ANO2: variants seen among roughly 807,000 people sequenced by gnomAD.
ANO2 encodes anoctamin-2.
In ANO2, 101 loss-of-function variants were observed where a neutral mutation model predicts 124.2. The observed-to-expected ratio is 0.81, with a 90% CI of 0.69 to 0.96. ANO2 has a LOEUF of 0.96. Ranked by LOEUF, ANO2 falls within the 40% of genes least tolerant of loss-of-function variation. The pLI is 0.00. For synonymous variants in ANO2, 486 were observed against 482.5 expected (o/e 1.01, Z -0.09); for missense variants, 1,293 against 1,274.5 (o/e 1.01, Z -0.22).
intron 4 of ANO2, among the ~76,000 whole-genome samples, chr12:5,851,233 C>T (rs1954887042): frequency 6.6e-6 from 1 of 152,154 alleles, no homozygotes; most frequent in African/African-American, 2.4e-5. Flanking sequence ...TATAGGGGCA[C>T]TGAAACTCTG....
intron 14 of ANO2, among the ~76,000 whole-genome samples, chr12:5,656,363 C>A (rs1860953): frequency 0.6 from 90,750 of 152,074 alleles, 28,550 homozygotes; most frequent in East Asian, 0.96. Context: ...CTTAAACCTT[C>A]TTTTTTATCC....
At chr12:5,915,773 C>A (rs1591787459) in intron 3 of ANO2, among the ~76,000 whole-genome samples, 4 of 152,326 alleles carry the variant, frequency 2.6e-5, no homozygotes, top group African/African-American at 9.6e-5. Context: ...AACCTCACAG[C>A]CTCTAGCTGA....
intron 7 of ANO2, among the ~76,000 whole-genome samples, chr12:5,809,309 G>T (rs1360758691): frequency 6.6e-6 from 1 of 151,332 alleles, no homozygotes; most frequent in Non-Finnish European, 1.5e-5. Context: ...GGGAGTTTGT[G>T]GGAGTTTGTA....
intron 10 of ANO2, among the ~76,000 whole-genome samples, chr12:5,789,205 C>T (rs1302016089): frequency 9.2e-5 from 14 of 152,214 alleles, no homozygotes; most frequent in African/African-American, 2.9e-4. Context: ...CTGAGTAGGG[C>T]AGGGACACCC....
At chr12:5,855,484 A>T (rs1249822802) in intron 3 of ANO2, among the ~76,000 whole-genome samples, 1 of 152,254 alleles carries the variant, frequency 6.6e-6, no homozygotes, top group Non-Finnish European at 1.5e-5. Context: ...TTTGAGGAAG[A>T]AAGCTCATGA....
intron 7 of ANO2, among the ~76,000 whole-genome samples, chr12:5,812,563 G>A (rs1953442657): frequency 1.0e-5 from 1 of 99,646 alleles, no homozygotes; most frequent in African/African-American, 4.1e-5. Context: ...AAGAAAGAAA[G>A]AAAAAGAAAA....
At chr12:5,594,933 T>C (rs1321019802) in intron 20 of ANO2, among the ~76,000 whole-genome samples, 1 of 152,220 alleles carries the variant, frequency 6.6e-6, no homozygotes. Context: ...TTCTCTGTTC[T>C]TATCATCTAT....
chr12:5,816,578 G>A (rs927172681), intron 7 of ANO2, among the ~76,000 whole-genome samples: 6 of 152,066 alleles, frequency 3.9e-5, no homozygotes, highest in African/African-American at 9.7e-5. Context: ...TTGGAAATAC[G>A]ATTAGAGCAA....
intron 16 of ANO2, among the ~76,000 whole-genome samples, chr12:5,626,432 G>C (rs1414293564): frequency 1.3e-5 from 2 of 152,128 alleles, no homozygotes; most frequent in African/African-American, 2.4e-5. Context: ...AGCCCATGCT[G>C]TCCAGGCCTG....
intron 12 of ANO2, among the ~76,000 whole-genome samples, 197 bp from the exon 13 acceptor site, chr12:5,739,596 TACACACACACACACACAC>T (rs71064167): frequency 2.8e-5 from 4 of 145,082 alleles, no homozygotes; most frequent in Non-Finnish European, 4.5e-5. Context: ...ATAGATATGT[TACACACACACACACACAC>T]ACACACACAC....
chr12:5,944,751 A>G (rs145928922), intron 1 of ANO2, among the ~76,000 whole-genome samples: 60 of 152,266 alleles, frequency 3.9e-4, no homozygotes, highest in Non-Finnish European at 7.1e-4. Flanking sequence ...CAGGGATGCC[A>G]AAGTCAAATT....
At chr12:5,663,086 C>G (rs555237062) in intron 14 of ANO2, among the ~76,000 whole-genome samples, 1 of 152,190 alleles carries the variant, frequency 6.6e-6, no homozygotes, top group Non-Finnish European at 1.5e-5. Context: ...CTCCTTCCTG[C>G]GTGGCCTGCA....
chr12:5,611,650 G>A (rs1944554275), intron 19 of ANO2, among the ~76,000 whole-genome samples: 1 of 152,148 alleles, frequency 6.6e-6, no homozygotes, highest in African/African-American at 2.4e-5. Flanking sequence ...AACTGCTGCA[G>A]CTAAGAACCC....
At chr12:5,701,795 G>A (rs1267136157) in intron 14 of ANO2, among the ~76,000 whole-genome samples, 3 of 152,052 alleles carry the variant, frequency 2.0e-5, no homozygotes, top group African/African-American at 2.4e-5. Flanking sequence ...AAACTAAAAC[G>A]GTCTCTTCCT....
intron 24 of ANO2, among the ~76,000 whole-genome samples, chr12:5,563,951 T>C (rs1463805808): frequency 6.6e-6 from 1 of 152,222 alleles, no homozygotes; most frequent in Non-Finnish European, 1.5e-5. Flanking sequence ...CCCTCCCTGC[T>C]TTAGAAAATG....
intron 12 of ANO2, 44 bp from the exon 13 acceptor site, chr12:5,739,443 G>T: frequency 6.6e-7 from 1 of 1,515,130 alleles, no homozygotes; most frequent in African/African-American, 1.4e-5. Flanking sequence ...TATTTTTGAA[G>T]AGTGGATTCT....
chr12:5,638,237 C>CTTTTTTTTTTTTT lies in ANO2; in HGVS notation c.1621-2903_1621-2891dup, dbSNP rs35224024. On this transcript the variant is annotated intron_variant, in intron 15 of 24. Coordinates refer to ENST00000682330, the MANE Select transcript of ANO2 (RefSeq NM_001364791.2). ...ATCTTCACTAGCACTGTTTCTTTTC[C>CTTTTTTTTTTTTT]TTTTTTTTTTTTTTTTGAGACGGAG... 3.6e-4 allele frequency among the ~76,000 whole-genome samples: 45 copies of CTTTTTTTTTTTTT among 124,864 alleles called. 4 individuals are homozygous for CTTTTTTTTTTTTT. The highest frequency in any genetic ancestry group is 1.1e-3 in the East Asian group (4 of 3,658). 81.9% of individuals were successfully genotyped at this position (124,864 alleles called of 152,430 possible).
intron 20 of ANO2, among the ~76,000 whole-genome samples, chr12:5,597,664 G>A (rs915793925): frequency 3.3e-5 from 5 of 152,172 alleles, no homozygotes; most frequent in Non-Finnish European, 7.3e-5. Context: ...TGGTGGCGAC[G>A]GAAGTGGGAC....
chr12:5,739,344 C>A lies in ANO2; in HGVS notation c.1407G>T (p.Trp469Cys). Residue 469 changes from tryptophan (W) to cysteine (C), a missense_variant, in exon 13 of 25, where the codon TGG becomes TGT. Coordinates refer to ENST00000682330, the MANE Select transcript of ANO2 (RefSeq NM_001364791.2). ...CTTCCTCTTCTATGCCAGTCAGGTC[C>A]CAAAAGTAGCCCAGTCGCATCTGTA... ...KRLQMRLGYF[W>C]DLTGIEEEEE... 6.2e-7 allele frequency: 1 copy of A among 1,607,002 alleles called. No homozygotes were observed. Among genetic ancestry groups the A allele is most frequent in the Admixed American group, 1.7e-5 (1 of 59,176 alleles).
Sources: allele counts gnomAD v4.1 joint callset (sites outside exome capture counted in the v4.1 genomes callset), GRCh38; gene constraint gnomAD v4.1.1; transcripts MANE v1.5; gene names NCBI Gene and HGNC (gene_info 2026-07-23, HGNC 2026-07-21).